The following ART1 variants were observed in gnomAD, a reference collection of about 807,000 sequenced individuals.
ART1 encodes GPI-linked NAD(P)(+)--arginine ADP-ribosyltransferase 1.
In ART1, 29 loss-of-function variants were observed where a neutral mutation model predicts 27.0. The ratio of observed to expected loss-of-function variants is 1.08; its 90% CI spans 0.80 to 1.47. The LOEUF is 1.47. ART1 is among the 40% of genes most tolerant of loss of function. The pLI, the probability that ART1 is intolerant of heterozygous loss-of-function variation, is 0.00. For missense variants in ART1, 480 were observed against 423.0 expected (o/e 1.13, Z -1.18); for synonymous variants, 201 against 172.2 (o/e 1.17, Z -1.31).
intron 1 of ART1, among the ~76,000 whole-genome samples, chr11:3,648,810 C>G (rs192870891): frequency 6.6e-6 from 1 of 152,138 alleles, no homozygotes; most frequent in Non-Finnish European, 1.5e-5. Context: ...CCCCTTTTCT[C>G]TGTGTCTCTA....
At chr11:3,650,374 C>T (rs544099436) in intron 1 of ART1, among the ~76,000 whole-genome samples, 2 of 152,240 alleles carry the variant, frequency 1.3e-5, no homozygotes, top group Non-Finnish European at 2.9e-5. Context: ...CCCTGACTGA[C>T]TCCTTCCCAG....
intron 1 of ART1, among the ~76,000 whole-genome samples, chr11:3,649,113 C>T (rs1303069791): frequency 6.6e-6 from 1 of 152,088 alleles, no homozygotes; most frequent in Non-Finnish European, 1.5e-5. Context: ...GAACCCCTTC[C>T]CTCCGTTTCT....
chr11:3,656,301 C>T (rs1045076003), intron 1 of ART1, among the ~76,000 whole-genome samples: 4 of 152,180 alleles, frequency 2.6e-5, no homozygotes, highest in Admixed American at 1.3e-4. Flanking sequence ...CTCCTACCTT[C>T]AGCCTGCCGA....
chr11:3,651,589 G>A (rs902812499), intron 1 of ART1, among the ~76,000 whole-genome samples: 36 of 151,346 alleles, frequency 2.4e-4, no homozygotes, highest in Admixed American at 2.1e-3. Context: ...TGCAGCGGCT[G>A]CCGCTGCTTT....
Position 3,660,203 on chromosome 11 carries a change from T to C in ART1, c.684T>C (p.Pro228=), listed in dbSNP as rs1272965219. The change falls in exon 3 of 5, where the codon CCT becomes CCC. Residue 228 remains proline (P), a synonymous_variant. Coordinates refer to ENST00000250693, the MANE Select transcript of ART1 (RefSeq NM_004314.3). ...FFGIWTCLGA[P]IKGYSFFPGE... is the part of the protein sequence containing the mutation. ...GCATCTGGACCTGCCTTGGGGCCCC[T>C]ATCAAGGGCTACTCCTTCTTCCCTG... is the stretch of plus-strand genomic sequence containing the variant. The C allele has an allele frequency of 5.0e-6, 8 of 1,613,930 alleles. No homozygotes were observed. Among genetic ancestry groups the C allele is most frequent in the Non-Finnish European group, 6.8e-6 (8 of 1,180,044 alleles).
At chr11:3,650,271 C>A (rs891579610) in intron 1 of ART1, among the ~76,000 whole-genome samples, 1 of 152,172 alleles carries the variant, frequency 6.6e-6, no homozygotes, top group Non-Finnish European at 1.5e-5. Context: ...CCTCCTAAGC[C>A]GTATCCCATC....
In ART1 at chr11:3,657,414, A is replaced by G. The variant is rs2077583476; in HGVS notation, c.-52-1748A>G. ...ACACGGCAAAACCCCACCTCTACAAAAAATATAAAAATAAGCCAGGCATCG... is the reference window on the plus strand; with the variant it reads ...ACACGGCAAAACCCCACCTCTACAAGAAATATAAAAATAAGCCAGGCATCG... On this transcript the variant is annotated intron_variant, in intron 1 of 4. Coordinates refer to ENST00000250693, the MANE Select transcript of ART1 (RefSeq NM_004314.3). Among the ~76,000 whole-genome samples, 3 of 152,190 alleles carry G rather than the reference A, an allele frequency of 2.0e-5. No homozygotes were observed. In the South Asian group the frequency reaches 6.2e-4, roughly 32 times the overall value.
Position 3,659,230 on chromosome 11 carries a change from T to C in ART1, c.17T>C (p.Met6Thr), listed in dbSNP as rs759838332. Residue 6 changes from methionine to threonine, a missense_variant, in exon 2 of 5, where the codon ATG (methionine) becomes ACG (threonine). Transcript: ENST00000250693. The part of the protein sequence containing the change: MQMPA[M>T]MSLLLVSVGL... Reference sequence around the variant, plus strand: ...GTCACCAGCATGCAGATGCCTGCTATGATGTCTCTGCTTCTTGTGTCTGTG... The same window carrying C: ...GTCACCAGCATGCAGATGCCTGCTACGATGTCTCTGCTTCTTGTGTCTGTG... The C allele has an allele frequency of 6.2e-7, 1 of 1,614,236 alleles. No homozygotes were observed. Among genetic ancestry groups the C allele is most frequent in the Admixed American group, 1.7e-5 (1 of 60,032 alleles).
chr11:3,659,955 C>T lies in ART1; in HGVS notation c.436C>T (p.Leu146Phe). 2 of 1,613,924 alleles carry T rather than the reference C, an allele frequency of 1.2e-6. No individual in the cohort carries two copies. The highest frequency in any genetic ancestry group is 1.7e-5 in the Admixed American group (1 of 60,032). Residue 146 changes from leucine to phenylalanine, a missense_variant, in exon 3 of 5, where the codon CTC (leucine) becomes TTC (phenylalanine). Transcript: ENST00000250693. ...REAGRSRAHY[L>F]HHFSFKTLHF... ...GGCGGGCCGCTCCCGGGCCCACTACCTCCACCACTTCTCCTTCAAGACACT... is the reference window on the plus strand; with the variant it reads ...GGCGGGCCGCTCCCGGGCCCACTACTTCCACCACTTCTCCTTCAAGACACT...
chr11:3,658,475 G>C (rs964821428), intron 1 of ART1, among the ~76,000 whole-genome samples: 6 of 152,184 alleles, frequency 3.9e-5, no homozygotes, highest in Admixed American at 3.9e-4. Flanking sequence ...AAGGCTTGTG[G>C]TTCCTGCTGC....
rs547288770 is a variant in ART1, at chr11:3,656,406, G to A, written c.-52-2756G>A. On this transcript the variant is annotated intron_variant, in intron 1 of 4. Transcript: ENST00000250693. ...TATTTATTTTTTAAATTTTTGAGAC[G>A]GAGTCTCGCTCTGTCACCCAGGCTT... Among the ~76,000 whole-genome samples the A allele has an allele frequency of 1.6e-4, 24 of 150,858 alleles. No homozygotes were observed. The East Asian group carries it at 1.8e-3, about 11-fold the overall frequency.
At chr11:3,653,093 C>T (rs1184549025) in intron 1 of ART1, among the ~76,000 whole-genome samples, 2 of 148,200 alleles carry the variant, frequency 1.3e-5, no homozygotes, top group Non-Finnish European at 2.9e-5. Context: ...TCGAGGTTCC[C>T]ACGCTGCCCC....
chr11:3,655,205 C>T (rs1016055152), intron 1 of ART1, among the ~76,000 whole-genome samples: 1 of 152,200 alleles, frequency 6.6e-6, no homozygotes, highest in Non-Finnish European at 1.5e-5. Context: ...AAAGAAGAAT[C>T]TTCCAAAGAA....
At chr11:3,660,504 T>G in intron 3 of ART1, 141 bp downstream of exon 3, 1 of 1,014,074 alleles carries the variant, frequency 9.9e-7, no homozygotes, top group Non-Finnish European at 1.4e-6. Context: ...TCCCAACCCC[T>G]TCCATCTAAG....
intron 1 of ART1, among the ~76,000 whole-genome samples, chr11:3,656,483 A>G (rs1272522726): frequency 6.6e-6 from 1 of 151,956 alleles, no homozygotes; most frequent in Non-Finnish European, 1.5e-5. Flanking sequence ...CCTGGGTTCA[A>G]GCTATTCTCC....
chr11:3,663,780 G>C (rs1328386302), intron 4 of ART1: 1 of 265,154 alleles, frequency 3.8e-6, no homozygotes, highest in East Asian at 1.0e-4. Flanking sequence ...TGTAGAGAAG[G>C]GTTCTCCCTA....
At chr11:3,655,583 A>G (rs1409143094) in intron 1 of ART1, 1 of 152,214 alleles carries the variant, frequency 6.6e-6, no homozygotes, top group East Asian at 1.9e-4. Context: ...CTGCATGAGA[A>G]CTATCCACTG....
chr11:3,658,251 T>C (rs975741152), intron 1 of ART1, among the ~76,000 whole-genome samples: 56 of 150,560 alleles, frequency 3.7e-4, no homozygotes, highest in African/African-American at 1.4e-3. Flanking sequence ...AAGAATCACT[T>C]GAACTCAGGA....
At chr11:3,656,277 G>C (rs553499000) in intron 1 of ART1, among the ~76,000 whole-genome samples, 1 of 152,152 alleles carries the variant, frequency 6.6e-6, no homozygotes, top group Non-Finnish European at 1.5e-5. Flanking sequence ...TCAACCTCCT[G>C]GTCTCAAGCA....
Sources: gnomAD v4.1 joint callset for allele counts (sites outside exome capture counted in the v4.1 genomes callset) on GRCh38, gnomAD v4.1.1 for gene constraint, MANE v1.5 for transcripts, NCBI Gene and HGNC (gene_info 2026-07-23, HGNC 2026-07-21) for gene names.